Variants in ADAMTS6 observed in about 807,000 individuals in gnomAD.
ADAMTS6 encodes the protein ADAM metallopeptidase with thrombospondin type 1 motif 6.
Under a neutral mutation model 144.3 loss-of-function variants are expected in ADAMTS6, and 23 were observed. That is an observed-to-expected ratio of 0.16 (90% CI 0.11 to 0.23). The LOEUF (loss-of-function observed/expected upper bound fraction) is 0.23. Among genes scored for constraint, ADAMTS6 ranks in the 10% least tolerant of loss-of-function variants. The pLI is 1.00. For synonymous variants in ADAMTS6, 444 were observed against 457.5 expected, an observed-to-expected ratio of 0.97 and a Z score of 0.38; for missense variants, 999 against 1,379.6, an observed-to-expected ratio of 0.72 and a Z score of 4.37.
chr5:65,428,469 C>A (rs1370127033), intron 7 of ADAMTS6, among the ~76,000 whole-genome samples: 1 of 151,982 alleles, frequency 6.6e-6, no homozygotes, highest in Admixed American at 6.6e-5. Context: ...AATCATTATT[C>A]TTCTACAACT....
At chr5:65,479,410 A>C (rs1761055128) in intron 1 of ADAMTS6, among the ~76,000 whole-genome samples, 2 of 152,250 alleles carry the variant, frequency 1.3e-5, no homozygotes. Context: ...ACCATGATTT[A>C]TAAAACTCAA....
chr5:65,196,518 G>A lies in ADAMTS6; in HGVS notation c.2705+504C>T, dbSNP rs541058052. Reference sequence around the variant, plus strand: ...AGCCTGGGCGACAGAGCGAGACTCCGTCTCAAAAAAAAAAAAAAAAAAAAA... The same window carrying A: ...AGCCTGGGCGACAGAGCGAGACTCCATCTCAAAAAAAAAAAAAAAAAAAAA... On this transcript the variant is annotated intron_variant, in intron 21 of 24. Coordinates refer to ENST00000381055, the MANE Select transcript of ADAMTS6 (RefSeq NM_197941.4). 1.0e-3 allele frequency among the ~76,000 whole-genome samples: 23 copies of A among 22,822 alleles called. No homozygotes were observed. In the East Asian group the frequency reaches 0.017, roughly 16 times the overall value. 15.0% of individuals were successfully genotyped at this position (22,822 alleles called of 152,430 possible). A position where few individuals can be genotyped will look rare whatever the true frequency, so the allele number is the denominator to read the frequency against.
intron 7 of ADAMTS6, among the ~76,000 whole-genome samples, chr5:65,385,842 T>C (rs1752428087): frequency 6.6e-6 from 1 of 152,196 alleles, no homozygotes; most frequent in Admixed American, 6.5e-5. Flanking sequence ...AAATACATTA[T>C]GTGAAGTATC....
chr5:65,403,339 A>G lies in ADAMTS6; in HGVS notation c.1073+48136T>C, dbSNP rs571255206. Among the ~76,000 whole-genome samples, 245 of 152,146 alleles carry G rather than the reference A, an allele frequency of 1.6e-3. 3 individuals carry two copies. The highest frequency in any genetic ancestry group is 0.014 in the Middle Eastern group (4 of 294). On this transcript the variant is annotated intron_variant, in intron 7 of 24. Coordinates refer to ENST00000381055, the MANE Select transcript of ADAMTS6 (RefSeq NM_197941.4). ...TTCCTGTATGATCTCATCTAGTCTA[A>G]TGGCTTTGAATACTATCTATATAAT...
intron 7 of ADAMTS6, among the ~76,000 whole-genome samples, chr5:65,422,859 G>A (rs147081994): frequency 4.3e-4 from 65 of 152,234 alleles, no homozygotes; most frequent in African/African-American, 1.5e-3. Flanking sequence ...GCTTATTGCA[G>A]CACAATTCAG....
chr5:65,331,755 T>A (rs965660137), intron 8 of ADAMTS6, among the ~76,000 whole-genome samples: 2 of 151,908 alleles, frequency 1.3e-5, no homozygotes, highest in Non-Finnish European at 2.9e-5. Context: ...AAAACCAATA[T>A]GAAAGTGACT....
chr5:65,220,017 T>C (rs1210040498), intron 18 of ADAMTS6, among the ~76,000 whole-genome samples: 1 of 152,308 alleles, frequency 6.6e-6, no homozygotes, highest in Non-Finnish European at 1.5e-5. Flanking sequence ...AAAGGATAGT[T>C]GTGTCCTTTA....
chr5:65,320,993 T>C (rs1047246712), intron 9 of ADAMTS6, among the ~76,000 whole-genome samples: 6 of 152,198 alleles, frequency 3.9e-5, no homozygotes, highest in Non-Finnish European at 8.8e-5. Context: ...CTATTGTGCA[T>C]AGGGCTGCAA....
At chr5:65,344,234 A>G (rs1415101890) in intron 7 of ADAMTS6, among the ~76,000 whole-genome samples, 1 of 151,896 alleles carries the variant, frequency 6.6e-6, no homozygotes, top group Non-Finnish European at 1.5e-5. Flanking sequence ...AATAACCCCA[A>G]TTCAACAGAT....
At chr5:65,422,277 A>C (rs752648434) in intron 7 of ADAMTS6, among the ~76,000 whole-genome samples, 7 of 152,254 alleles carry the variant, frequency 4.6e-5, no homozygotes, top group Non-Finnish European at 1.0e-4. Context: ...ACTTTACCCC[A>C]GCCAGAATGG....
Position 65,473,740 on chromosome 5 carries a change from A to C in ADAMTS6, c.-67T>G, listed in dbSNP as rs1295048412. 1 of 1,161,540 alleles carries C rather than the reference A, an allele frequency of 8.6e-7. No individual in the cohort carries two copies. Among genetic ancestry groups the C allele is most frequent in the African/African-American group, 1.5e-5 (1 of 65,104 alleles). The allele number at this position is 1,161,540 out of a possible 1,614,324, so 72.0% of individuals were successfully genotyped here. ...GCTAAAGAGTCAATACCATACCAAA[A>C]TCGAAGCATAACAATTTTATTTCTT... On this transcript the variant is annotated 5_prime_UTR_variant, in exon 2 of 25. Transcript: ENST00000381055.
intron 23 of ADAMTS6, 72 bp downstream of exon 23, chr5:65,172,760 A>T: frequency 6.6e-7 from 1 of 1,526,450 alleles, no homozygotes; most frequent in Non-Finnish European, 8.8e-7. Context: ...CCTTACAATG[A>T]TCACACAAGG....
At chr5:65,164,433 A>T (rs1579930765) in intron 24 of ADAMTS6, among the ~76,000 whole-genome samples, 1 of 147,674 alleles carries the variant, frequency 6.8e-6, no homozygotes, top group African/African-American at 2.5e-5. Context: ...TCAAATTGCA[A>T]GGCGGCAGCG....
intron 4 of ADAMTS6, among the ~76,000 whole-genome samples, chr5:65,455,818 T>TA (rs903957999): frequency 6.6e-6 from 1 of 151,182 alleles, no homozygotes; most frequent in African/African-American, 2.4e-5. Context: ...ATAATAATAA[T>TA]AAAAAAAACA....
chr5:65,265,300 T>C (rs949194268), intron 12 of ADAMTS6, among the ~76,000 whole-genome samples: 2 of 152,096 alleles, frequency 1.3e-5, no homozygotes, highest in Admixed American at 6.6e-5. Flanking sequence ...GTATCAACCC[T>C]GTGATCAGGG....
intron 24 of ADAMTS6, among the ~76,000 whole-genome samples, chr5:65,161,868 A>G (rs1043807647): frequency 7.2e-5 from 11 of 152,266 alleles, no homozygotes; most frequent in Non-Finnish European, 1.6e-4. Context: ...TCTTTCTTTT[A>G]AATGAGTTGA....
At chr5:65,390,273 G>A (rs1267020076) in intron 7 of ADAMTS6, among the ~76,000 whole-genome samples, 1 of 152,172 alleles carries the variant, frequency 6.6e-6, no homozygotes, top group East Asian at 1.9e-4. Context: ...GTCTGAATGT[G>A]TCAAGATTCC....
At chr5:65,168,932 C>G (rs915776794) in intron 24 of ADAMTS6, among the ~76,000 whole-genome samples, 4 of 145,330 alleles carry the variant, frequency 2.8e-5, no homozygotes, top group Non-Finnish European at 4.5e-5. Flanking sequence ...CATAAAAACC[C>G]TAGAAGAAAA....
intron 7 of ADAMTS6, among the ~76,000 whole-genome samples, chr5:65,443,027 G>A (rs1196830388): frequency 1.3e-5 from 2 of 152,132 alleles, no homozygotes; most frequent in Admixed American, 6.6e-5. Flanking sequence ...TTTTATGGCT[G>A]CATAGTATTC....
Sources: allele counts gnomAD v4.1 joint callset (sites outside exome capture counted in the v4.1 genomes callset), GRCh38; gene constraint gnomAD v4.1.1; transcripts MANE v1.5; gene names NCBI Gene and HGNC (gene_info 2026-07-23, HGNC 2026-07-21).